The following IL1R1 variants were observed in gnomAD, a reference collection of about 807,000 sequenced individuals.
The protein encoded by IL1R1 is interleukin 1 receptor type 1.
A neutral mutation model predicts 50.2 loss-of-function variants in IL1R1; 22 were observed. The observed-to-expected ratio is 0.44, with a 90% confidence interval of 0.31 to 0.63. The LOEUF (loss-of-function observed/expected upper bound fraction) is 0.63, where lower values mean the gene tolerates loss of function less well. Ranked by LOEUF, IL1R1 falls within the 20% of genes least tolerant of loss-of-function variation. The probability of loss-of-function intolerance (pLI) is 0.07; values close to 1 mark genes in which losing one functional copy is unlikely to be tolerated. For synonymous variants in IL1R1, 251 were observed against 236.7 expected, an observed-to-expected ratio of 1.06 and a Z score of -0.55; for missense variants, 509 against 676.2, an observed-to-expected ratio of 0.75 and a Z score of 2.74.
Position 102,168,608 on chromosome 2 carries a change from A to AC in IL1R1, c.669dup (p.Thr224HisfsTer10). ...ATGTTTTTCTTTCAGAGGAAAACAA[A>AC]CCCACAAGGCCTGTGATTGTGAGCC... On this transcript the variant is annotated frameshift_variant, in exon 7 of 12. Coordinates refer to ENST00000410023, the MANE Select transcript of IL1R1 (RefSeq NM_000877.4). LOFTEE classifies it high-confidence loss of function. 1 of 1,613,986 alleles carries AC rather than the reference A, an allele frequency of 6.2e-7. No individual in the cohort carries two copies. The highest frequency in any genetic ancestry group is 8.5e-7 in the Non-Finnish European group (1 of 1,179,872).
rs141215467 is a variant in IL1R1 at position 102,111,914 on chromosome 2, G to C, written c.-84+7042G>C. On this transcript the variant is annotated intron_variant, in intron 1 of 10. Coordinates refer to the IL1R1 transcript ENST00000409329. ...AGAGCTTTCCTCAGGGCTTCTGAGT[G>C]GGCAAAGGGCAGAACTGGAACTTTT... 2.0e-5 allele frequency among the ~76,000 whole-genome samples: 3 copies of C among 152,268 alleles called. No individual in the cohort carries two copies. The East Asian group carries it at 5.8e-4, about 29-fold the overall frequency.
chr2:102,118,008 T>A lies in IL1R1; in HGVS notation c.-84+13136T>A, dbSNP rs572357977. Among the ~76,000 whole-genome samples the A allele has an allele frequency of 3.3e-5, 5 of 151,574 alleles. No homozygotes were observed. In the East Asian group the frequency reaches 9.6e-4, roughly 29 times the overall value. On this transcript the variant is annotated intron_variant, in intron 1 of 10. Transcript: ENST00000409329. ...TATATATATAGACAAAATAAAAATA[T>A]ATATTTGATCTCTGGCCCTGATTCC... is the stretch of plus-strand genomic sequence containing the variant.
intron 1 of IL1R1, among the ~76,000 whole-genome samples, chr2:102,136,835 A>G (rs1378672799): frequency 6.6e-6 from 1 of 151,944 alleles, no homozygotes; most frequent in Non-Finnish European, 1.5e-5. Flanking sequence ...ATCTGACCAG[A>G]TTTTTCTTCT....
chr2:102,136,567 G>A (rs535830787), intron 1 of IL1R1, among the ~76,000 whole-genome samples: 72 of 152,058 alleles, frequency 4.7e-4, no homozygotes, highest in African/African-American at 1.6e-3. Flanking sequence ...TAGTAGAGAC[G>A]GGGTTTCCCC....
chr2:102,086,233 T>C (rs1485991261), intron 1 of IL1R1, among the ~76,000 whole-genome samples: 2 of 152,190 alleles, frequency 1.3e-5, no homozygotes, highest in African/African-American at 4.8e-5. Context: ...ATTGACAGTT[T>C]AGTTTTCTTT....
intron 1 of IL1R1, among the ~76,000 whole-genome samples, chr2:102,089,697 T>C (rs1679575907): frequency 1.3e-5 from 2 of 152,178 alleles, no homozygotes; most frequent in Non-Finnish European, 2.9e-5. Flanking sequence ...GTTTTCACTG[T>C]TTCTATCAAG....
intron 1 of IL1R1, among the ~76,000 whole-genome samples, chr2:102,109,977 G>T (rs1461848637): frequency 6.6e-6 from 1 of 151,936 alleles, no homozygotes; most frequent in Non-Finnish European, 1.5e-5. Context: ...TACTTTTTTT[G>T]GTTAAACTTT....
chr2:102,104,146 A>T (rs1470923032), upstream of IL1R1, among the ~76,000 whole-genome samples: 1 of 152,002 alleles, frequency 6.6e-6, no homozygotes, highest in Non-Finnish European at 1.5e-5. Context: ...GTGAAGGGAG[A>T]CTTCCAGAGT....
intron 1 of IL1R1, among the ~76,000 whole-genome samples, chr2:102,131,050 C>T (rs1452877058): frequency 6.6e-6 from 1 of 152,072 alleles, no homozygotes; most frequent in Non-Finnish European, 1.5e-5. Flanking sequence ...AGAAAAAGCG[C>T]CTCCCTAAAA....
intron 1 of IL1R1, among the ~76,000 whole-genome samples, chr2:102,071,639 T>C (rs1216387165): frequency 6.6e-6 from 1 of 152,176 alleles, no homozygotes; most frequent in African/African-American, 2.4e-5. Flanking sequence ...ACTACTAGCA[T>C]AATATTTGGC....
At chr2:102,099,464 C>T (rs1160341825) in intron 1 of IL1R1, among the ~76,000 whole-genome samples, 3 of 152,160 alleles carry the variant, frequency 2.0e-5, no homozygotes, top group African/African-American at 4.8e-5. Context: ...CCATGGCCTT[C>T]GTTCCATCTC....
intron 1 of IL1R1, among the ~76,000 whole-genome samples, chr2:102,093,141 C>T (rs73943973): frequency 6.6e-6 from 1 of 151,926 alleles, no homozygotes; most frequent in African/African-American, 2.4e-5. Flanking sequence ...TCACGTAGAA[C>T]GTTTCTGAGG....
At chr2:102,129,254 CCTA>C (rs765886089) in intron 1 of IL1R1, among the ~76,000 whole-genome samples, 1 of 85,908 alleles carries the variant, frequency 1.2e-5, no homozygotes, top group South Asian at 3.7e-4. Context: ...ACCCCAAAAA[CCTA>C]CAACAACAAC....
intron 1 of IL1R1, among the ~76,000 whole-genome samples, chr2:102,082,520 T>A (rs1436697642): frequency 1.3e-5 from 2 of 152,188 alleles, no homozygotes; most frequent in East Asian, 3.8e-4. Flanking sequence ...AAAGTAAAAG[T>A]AGTTTCTTAG....
rs182067705 is a variant in IL1R1 at position 102,165,042 on chromosome 2, C to A, written c.296+34C>A. On this transcript the variant is annotated intron_variant, in intron 4 of 11. Transcript: ENST00000410023. ...GGAATTAGTATGTTACAAACATGTTCTAGTTTCCTGCAGTTGTTAAGGACA... is the reference window on the plus strand; with the variant it reads ...GGAATTAGTATGTTACAAACATGTTATAGTTTCCTGCAGTTGTTAAGGACA... The A allele has an allele frequency of 3.8e-4, 597 of 1,581,858 alleles. 1 individual carries two copies. Among genetic ancestry groups the A allele is most frequent in the South Asian group, 1.0e-4 (9 of 88,302 alleles).
chr2:102,167,953 G>GA (rs1215146822), intron 6 of IL1R1, among the ~76,000 whole-genome samples: 2 of 151,854 alleles, frequency 1.3e-5, no homozygotes, highest in Admixed American at 6.5e-5. Flanking sequence ...ATACATTAGG[G>GA]AAAAAAACAG....
chr2:102,165,044 A>G (rs766435455), intron 4 of IL1R1, 36 bp downstream of exon 4: 1 of 1,572,788 alleles, frequency 6.4e-7, no homozygotes, highest in South Asian at 1.1e-5. Flanking sequence ...AACATGTTCT[A>G]GTTTCCTGCA....
At chr2:102,175,414 A>G (rs1314323650) in intron 10 of IL1R1, 64 bp from the exon 11 acceptor site, 3 of 1,269,956 alleles carry the variant, frequency 2.4e-6, no homozygotes, top group Non-Finnish European at 2.3e-6. Context: ...TGTTTGTGAT[A>G]CTGACTTTAT....
intron 1 of IL1R1, among the ~76,000 whole-genome samples, chr2:102,083,232 G>A (rs1679291569): frequency 6.6e-6 from 1 of 152,200 alleles, no homozygotes; most frequent in South Asian, 2.1e-4. Flanking sequence ...CCACACTTCA[G>A]AGGACACTTT....
Sources: gnomAD v4.1 joint callset for allele counts (sites outside exome capture counted in the v4.1 genomes callset) on GRCh38, gnomAD v4.1.1 for gene constraint, MANE v1.5 for transcripts, NCBI Gene and HGNC (gene_info 2026-07-23, HGNC 2026-07-21) for gene names.